Variants in RORC observed in about 807,000 individuals in gnomAD.
RORC encodes RAR related orphan receptor C.
A neutral mutation model predicts 64.5 loss-of-function variants in RORC; 13 were observed. The ratio of observed to expected loss-of-function variants is 0.20; its 90% CI spans 0.13 to 0.32. The LOEUF (loss-of-function observed/expected upper bound fraction) is 0.32. Ranked by LOEUF, RORC falls within the 10% of genes least tolerant of loss-of-function variation. The probability of loss-of-function intolerance (pLI) is 1.00; values close to 1 mark genes in which losing one functional copy is unlikely to be tolerated. For synonymous variants in RORC, 277 were observed against 259.3 expected (o/e 1.07, Z -0.65); for missense variants, 468 against 669.5 (o/e 0.70, Z 3.32).
chr1:151,816,867 G>C, intron 3 of RORC, 62 bp from the exon 4 acceptor site: 4 of 1,438,444 alleles, frequency 2.8e-6, no homozygotes, highest in Non-Finnish European at 3.7e-6. Flanking sequence ...CACTCACAAA[G>C]GCCTCCAGCC....
At chr1:151,825,854 C>A in intron 2 of RORC, 2 of 1,570,758 alleles carry the variant, frequency 1.3e-6, no homozygotes, top group Admixed American at 3.3e-5. Context: ...CACACTGTTC[C>A]CAAGACATCC....
chr1:151,825,823 C>G (rs1652172692), intron 2 of RORC: 7 of 1,379,882 alleles, frequency 5.1e-6, no homozygotes, highest in Admixed American at 3.5e-5. Flanking sequence ...CAGGACGCAC[C>G]CTGCTTTGCT....
intron 9 of RORC, 27 bp downstream of exon 9, chr1:151,812,920 C>A: frequency 6.8e-7 from 1 of 1,460,690 alleles, no homozygotes; most frequent in East Asian, 2.3e-5. Context: ...ACCTGAATGT[C>A]CTTCACCCAA....
At position 151,807,682 on chromosome 1, in the gene RORC, C is replaced by G; in HGVS notation, c.1396-49G>C. 6.3e-7 allele frequency: 1 copy of G among 1,595,706 alleles called. No individual in the cohort carries two copies. The highest frequency in any genetic ancestry group is 8.6e-7 in the Non-Finnish European group (1 of 1,166,886). On this transcript the variant is annotated intron_variant, in intron 10 of 10. Coordinates refer to ENST00000318247, the MANE Select transcript of RORC (RefSeq NM_005060.4). The surrounding 1 kb of genome is among the most constrained non-coding windows in gnomAD (Gnocchi z 5.0). ...GGAGGGTCAATACTTCAGCTCTCCT[C>G]AGAGCAAAGAAGTCCGCTCATTCTT... is the stretch of plus-strand genomic sequence containing the variant.
intron 2 of RORC, among the ~76,000 whole-genome samples, chr1:151,822,083 G>A (rs1265911886): frequency 1.3e-5 from 2 of 151,898 alleles, no homozygotes; most frequent in Non-Finnish European, 2.9e-5. Flanking sequence ...ATGAATGAGT[G>A]AGAAAGAGGA....
In RORC at chr1:151,815,083, C is replaced by T. The variant is rs1395741779; in HGVS notation, c.641G>A (p.Arg214Lys). 3 of 1,614,140 alleles carry T rather than the reference C, an allele frequency of 1.9e-6. No homozygotes were observed. The highest frequency in any genetic ancestry group is 1.7e-6 in the Non-Finnish European group (2 of 1,180,056). ...GCTGCCTGTGCTATAGAAGCTCTCT[C>T]TGCCCTCAGCCTTGCCCCGCTCAGG... ...YSPERGKAEGRESFYSTGSQL... is the reference protein window; with the variant it reads ...YSPERGKAEGKESFYSTGSQL... Residue 214 changes from arginine (R) to lysine (K), a missense_variant, in exon 5 of 11, where the codon AGA becomes AAA. Around this residue, in one of 5 missense-constraint regions of RORC, gnomAD observed 241 missense variants for 295.5 expected, o/e 0.82. Transcript: ENST00000318247.
Position 151,825,814 on chromosome 1 carries a change from A to G in RORC, c.70+3615T>C, listed in dbSNP as rs1652172065. On this transcript the variant is annotated intron_variant, in intron 2 of 10. Coordinates refer to ENST00000318247, the MANE Select transcript of RORC (RefSeq NM_005060.4). ...CTCCCAACAGATCTTGACCTTGACC[A>G]GGACGCACCCTGCTTTGCTCAGATT... is the stretch of plus-strand genomic sequence containing the variant. 14 of 1,256,166 alleles carry G rather than the reference A, an allele frequency of 1.1e-5. 2 individuals carry two copies. The highest frequency in any genetic ancestry group is 2.5e-5 in the East Asian group (1 of 40,326). The allele number at this position is 1,256,166 out of a possible 1,614,324, so 77.8% of individuals were successfully genotyped here.
At chr1:151,828,752 G>A (rs1652289124) in intron 2 of RORC, among the ~76,000 whole-genome samples, 1 of 152,064 alleles carries the variant, frequency 6.6e-6, no homozygotes, top group Admixed American at 6.5e-5. Context: ...AGGCCGAGAG[G>A]GGTGGATCAC....
intron 10 of RORC, among the ~76,000 whole-genome samples, chr1:151,809,353 C>T (rs1651432431): frequency 6.6e-6 from 1 of 152,136 alleles, no homozygotes; most frequent in Non-Finnish European, 1.5e-5. Context: ...GAGATCACAC[C>T]ACTGCACTCC....
chr1:151,815,567 G>T, intron 4 of RORC, 142 bp from the exon 5 acceptor site: 1 of 1,129,652 alleles, frequency 8.9e-7, no homozygotes, highest in Non-Finnish European at 1.2e-6. Context: ...AGCCTTTAGG[G>T]AACTTATGCT....
intron 2 of RORC, among the ~76,000 whole-genome samples, chr1:151,824,770 T>C (rs971410360): frequency 2.0e-5 from 3 of 152,230 alleles, no homozygotes; most frequent in Non-Finnish European, 4.4e-5. Context: ...TGTTGTTCTA[T>C]CTTAAAATTC....
intron 2 of RORC, chr1:151,826,004 G>A: frequency 3.1e-6 from 5 of 1,606,992 alleles, no homozygotes; most frequent in South Asian, 1.1e-5. Context: ...CAGGAGTGGG[G>A]TGCAGCTGGC....
intron 2 of RORC, among the ~76,000 whole-genome samples, chr1:151,818,109 C>A (rs1651840595): frequency 6.6e-6 from 1 of 152,174 alleles, no homozygotes; most frequent in Admixed American, 6.5e-5. Context: ...AAGGACTAAG[C>A]CAGATGAGGC....
chr1:151,809,623 T>G (rs1232477053), intron 10 of RORC, among the ~76,000 whole-genome samples: 1 of 152,076 alleles, frequency 6.6e-6, no homozygotes, highest in Non-Finnish European at 1.5e-5. Flanking sequence ...GTAGGGAAGG[T>G]GATGTATTTT....
At chr1:151,831,161 G>C (rs1174111415) in intron 1 of RORC, 1 of 1,243,494 alleles carries the variant, frequency 8.0e-7, no homozygotes, top group South Asian at 1.3e-5. Context: ...ACATCCCTGG[G>C]TGAGTGGCGA....
intron 2 of RORC, chr1:151,825,897 C>T (rs1417617376): frequency 6.2e-7 from 1 of 1,613,238 alleles, no homozygotes; most frequent in East Asian, 2.2e-5. Context: ...AGGGTCCAGG[C>T]TCCCCCGCCC....
At chr1:151,810,008 C>T (rs1651456913) in intron 10 of RORC, among the ~76,000 whole-genome samples, 1 of 152,108 alleles carries the variant, frequency 6.6e-6, no homozygotes, top group Non-Finnish European at 1.5e-5. Context: ...CTCTTCTGCC[C>T]CACCAGTCTA....
chr1:151,817,427 G>A (rs1481474136), intron 2 of RORC, 147 bp from the exon 3 acceptor site: 7 of 634,352 alleles, frequency 1.1e-5, no homozygotes, highest in South Asian at 5.5e-5. Flanking sequence ...CAAAATGGAA[G>A]GGGAAGTGAA....
chr1:151,815,180 A>G lies in RORC; in HGVS notation c.544T>C (p.Ser182Pro). ...CPPGLLKASG[S>P]GPSYSNNLAK... Reference sequence around the variant, plus strand: ...AAGTTGTTGGAATATGAGGGCCCAGAGCCTGAGGCTTTCAGGAGGCCAGGG... The same window carrying G: ...AAGTTGTTGGAATATGAGGGCCCAGGGCCTGAGGCTTTCAGGAGGCCAGGG... The change falls in exon 5 of 11, where the codon TCT becomes CCT. Residue 182 changes from serine to proline, a missense_variant. Transcript: ENST00000318247. The G allele has an allele frequency of 6.2e-7, 1 of 1,613,992 alleles. No homozygotes were observed. Among genetic ancestry groups the G allele is most frequent in the East Asian group, 2.2e-5 (1 of 44,886 alleles).
Sources: allele counts gnomAD v4.1 joint callset (sites outside exome capture counted in the v4.1 genomes callset), GRCh38; gene constraint gnomAD v4.1.1; regional missense constraint gnomAD v4.1.1; non-coding constraint Gnocchi (gnomAD v3.1); transcripts MANE v1.5; gene names NCBI Gene and HGNC (gene_info 2026-07-23, HGNC 2026-07-21).